WWOX: variants seen among roughly 807,000 people sequenced by gnomAD.
WWOX encodes the protein WW domain-containing oxidoreductase.
WWOX carries 69 observed loss-of-function variants against 46.2 expected under a neutral mutation model. The ratio of observed to expected loss-of-function variants is 1.49; its 90% CI spans 1.23 to 1.82. WWOX has a LOEUF of 1.82. WWOX is among the 40% of genes most tolerant of loss of function. WWOX has a pLI of 0.00. For synonymous variants in WWOX, 359 were observed against 202.6 expected (o/e 1.77, Z -6.56); for missense variants, 919 against 542.6 (o/e 1.69, Z -6.89).
intron 1 of WWOX, 107 bp downstream of exon 1, chr16:78,099,992 A>G (rs1166443239): frequency 2.1e-5 from 31 of 1,510,860 alleles, no homozygotes; most frequent in Non-Finnish European, 2.1e-5. Context: ...GTGCGGTGCA[A>G]AGTGAAAGTA....
intron 8 of WWOX, among the ~76,000 whole-genome samples, chr16:78,663,325 G>A (rs925439038): frequency 6.6e-6 from 1 of 152,128 alleles, no homozygotes; most frequent in Non-Finnish European, 1.5e-5. Context: ...TTATGTTGGT[G>A]CAATCACTTT....
intron 5 of WWOX, among the ~76,000 whole-genome samples, chr16:78,360,030 CTT>C (rs1222271252): frequency 6.6e-6 from 1 of 152,122 alleles, no homozygotes; most frequent in Non-Finnish European, 1.5e-5. Flanking sequence ...AGGAAACAAA[CTT>C]TTTAAAAACA....
At chr16:79,117,015 C>T (rs1001999493) in intron 8 of WWOX, among the ~76,000 whole-genome samples, 7 of 151,722 alleles carry the variant, frequency 4.6e-5, no homozygotes, top group East Asian at 1.9e-4. Flanking sequence ...CTCTTAGGTA[C>T]GAGGTACATT....
At chr16:78,436,790 C>G (rs1037660619) in intron 8 of WWOX, among the ~76,000 whole-genome samples, 2 of 152,166 alleles carry the variant, frequency 1.3e-5, no homozygotes, top group Non-Finnish European at 2.9e-5. Flanking sequence ...ACCAGACTGA[C>G]TGGAAAAGTC....
intron 5 of WWOX, among the ~76,000 whole-genome samples, chr16:78,371,481 T>C (rs1468267793): frequency 6.6e-6 from 1 of 152,192 alleles, no homozygotes; most frequent in African/African-American, 2.4e-5. Context: ...TGGTTTATAC[T>C]CTTTTAATGG....
At chr16:78,673,657 G>A (rs1239047103) in intron 8 of WWOX, among the ~76,000 whole-genome samples, 1 of 152,166 alleles carries the variant, frequency 6.6e-6, no homozygotes, top group Non-Finnish European at 1.5e-5. Context: ...TAAATTTGGA[G>A]CCACCATTAC....
intron 8 of WWOX, among the ~76,000 whole-genome samples, chr16:78,598,682 G>C (rs781257842): frequency 1.1e-4 from 16 of 152,138 alleles, no homozygotes; most frequent in African/African-American, 3.9e-4. Context: ...GGTTGAAGCA[G>C]GAGCATCTCT....
At chr16:79,046,206 C>T (rs1216888279) in intron 8 of WWOX, among the ~76,000 whole-genome samples, 2 of 152,162 alleles carry the variant, frequency 1.3e-5, no homozygotes, top group Middle Eastern at 3.2e-3. Flanking sequence ...TTATTATTGT[C>T]AGTATGTATC....
At chr16:78,616,070 G>C (rs2046016885) in intron 8 of WWOX, among the ~76,000 whole-genome samples, 1 of 152,110 alleles carries the variant, frequency 6.6e-6, no homozygotes, top group South Asian at 2.1e-4. Context: ...TTAAGAAGAA[G>C]ATAACATTAG....
At chr16:78,163,912 C>T (rs2034880493) in intron 4 of WWOX, among the ~76,000 whole-genome samples, 1 of 152,112 alleles carries the variant, frequency 6.6e-6, no homozygotes, top group South Asian at 2.1e-4. Flanking sequence ...ACAGTCCGGG[C>T]CAGATGGTTC....
Position 78,674,631 on chromosome 16 carries a change from C to G in WWOX, c.1056+241879C>G, listed in dbSNP as rs376653122. ...ATTATTTTCTCCTAACCACTAGGTT[C>G]CACACTTCTGGCCACCTGCCTTTAT... On this transcript the variant is annotated intron_variant, in intron 8 of 8. Coordinates refer to ENST00000566780, the MANE Select transcript of WWOX (RefSeq NM_016373.4). 2.0e-5 allele frequency among the ~76,000 whole-genome samples: 3 copies of G among 152,272 alleles called. No homozygotes were observed. In the East Asian group the frequency reaches 5.8e-4, roughly 29 times the overall value.
Position 78,656,408 on chromosome 16 carries a change from G to C in WWOX, c.1056+223656G>C, listed in dbSNP as rs377557311. On this transcript the variant is annotated intron_variant, in intron 8 of 8. Coordinates refer to ENST00000566780, the MANE Select transcript of WWOX (RefSeq NM_016373.4). The stretch of plus-strand genomic sequence containing the variant: ...TGTATAAAGAAAAGAGGTTTAATTG[G>C]CTCATGGTTCCGCAGGCCATACAGG... 5.9e-5 allele frequency among the ~76,000 whole-genome samples: 9 copies of C among 152,264 alleles called. No individual in the cohort carries two copies. The East Asian group carries it at 1.4e-3, about 23-fold the overall frequency.
At chr16:78,210,192 C>T (rs148801484) in intron 5 of WWOX, among the ~76,000 whole-genome samples, 1 of 152,284 alleles carries the variant, frequency 6.6e-6, no homozygotes, top group East Asian at 1.9e-4. Context: ...ATTCAAAGTA[C>T]ATCTATTCTA....
chr16:78,959,808 A>T (rs2046239042), intron 8 of WWOX, among the ~76,000 whole-genome samples: 1 of 152,082 alleles, frequency 6.6e-6, no homozygotes, highest in African/African-American at 2.4e-5. Context: ...GGTGTTCTGA[A>T]CCCTGTGGAA....
At chr16:78,261,721 G>T (rs2079237175) in intron 5 of WWOX, among the ~76,000 whole-genome samples, 1 of 146,482 alleles carries the variant, frequency 6.8e-6, no homozygotes, top group South Asian at 2.1e-4. Flanking sequence ...CATGTTGTAT[G>T]TGGGCCCATT....
intron 5 of WWOX, among the ~76,000 whole-genome samples, chr16:78,368,695 TC>T (rs927295705): frequency 1.3e-5 from 2 of 151,618 alleles, no homozygotes; most frequent in East Asian, 1.9e-4. Flanking sequence ...TCCCTTCCCC[TC>T]CCCCCTCTAA....
At chr16:78,660,887 G>C (rs13339358) in intron 8 of WWOX, among the ~76,000 whole-genome samples, 4,142 of 152,232 alleles carry the variant, frequency 0.027, 86 homozygotes, top group African/African-American at 0.064. Context: ...GTATCTTGGA[G>C]ATTATTTGGT....
intron 8 of WWOX, among the ~76,000 whole-genome samples, chr16:78,569,533 T>C (rs1022344236): frequency 6.6e-6 from 1 of 152,208 alleles, no homozygotes; most frequent in Non-Finnish European, 1.5e-5. Context: ...TTTGTACATA[T>C]ATGATTATGA....
chr16:79,004,198 G>A (rs2047148553), intron 8 of WWOX: 1 of 152,188 alleles, frequency 6.6e-6, no homozygotes, highest in Non-Finnish European at 1.5e-5. Context: ...AGTCCCTGTT[G>A]AGTCCCTGTG....
Sources: allele counts gnomAD v4.1 joint callset (sites outside exome capture counted in the v4.1 genomes callset), GRCh38; gene constraint gnomAD v4.1.1; transcripts MANE v1.5; gene names NCBI Gene and HGNC (gene_info 2026-07-23, HGNC 2026-07-21).